Variants in MAF observed in about 807,000 individuals in gnomAD.
MAF encodes MAF bZIP transcription factor.
In MAF, 10 loss-of-function variants were observed where a neutral mutation model predicts 22.0. That is an observed-to-expected ratio of 0.45 (90% CI 0.28 to 0.77). The LOEUF is 0.77. MAF is among the 30% of genes least tolerant of loss of function. MAF has a pLI of 0.12. For synonymous variants in MAF, 337 were observed against 255.8 expected (o/e 1.32, Z -3.03); for missense variants, 544 against 548.4 (o/e 0.99, Z 0.08).
At chr16:79,349,477 T>C in the MAF span, among the ~76,000 whole-genome samples, 1 of 152,130 alleles carries the variant, frequency 6.6e-6, no homozygotes, top group East Asian at 1.9e-4. Flanking sequence ...TGCAATGAGG[T>C]CATTGCCAAT....
At chr16:79,336,791 T>C in the MAF span, among the ~76,000 whole-genome samples, 1,562 of 152,352 alleles carry the variant, frequency 0.01, 28 homozygotes, top group African/African-American at 0.036. Context: ...GTGAGGATTT[T>C]TCTCTTTTTC....
chr16:79,561,721 G>T, the MAF span, among the ~76,000 whole-genome samples: 1 of 152,044 alleles, frequency 6.6e-6, no homozygotes, highest in Admixed American at 6.5e-5. Flanking sequence ...AAGAAAAAAT[G>T]GTCTTCAAAG....
the MAF span, among the ~76,000 whole-genome samples, chr16:79,322,740 G>T: frequency 2.0e-5 from 3 of 152,054 alleles, no homozygotes; most frequent in Non-Finnish European, 4.4e-5. Context: ...GGTCGTGGCA[G>T]GGGGTATAAA....
chr16:79,242,976 G>A, the MAF span, among the ~76,000 whole-genome samples: 1 of 151,828 alleles, frequency 6.6e-6, no homozygotes, highest in Non-Finnish European at 1.5e-5. Context: ...AATGAAGGCA[G>A]AAATAAAGAA....
At chr16:79,206,588 A>C in the MAF span, 1 of 152,222 alleles carries the variant, frequency 6.6e-6, no homozygotes, top group Non-Finnish European at 1.5e-5. Context: ...ATGTCACTTG[A>C]ATAGTACTCG....
chr16:79,533,011 G>A, the MAF span, among the ~76,000 whole-genome samples: 1 of 152,182 alleles, frequency 6.6e-6, no homozygotes, highest in Non-Finnish European at 1.5e-5. Flanking sequence ...ATATTCTGTG[G>A]TACATATAAT....
chr16:79,393,890 G>A, the MAF span, among the ~76,000 whole-genome samples: 6 of 152,294 alleles, frequency 3.9e-5, no homozygotes, highest in African/African-American at 2.4e-5. Flanking sequence ...TGATGATAAT[G>A]AAGTTAACAA....
chr16:79,305,017 G>C, the MAF span, among the ~76,000 whole-genome samples: 20 of 152,200 alleles, frequency 1.3e-4, no homozygotes, highest in Admixed American at 1.2e-3. Flanking sequence ...AAGCAATGTG[G>C]ACAATGAAGG....
At chr16:79,464,245 G>T in the MAF span, among the ~76,000 whole-genome samples, 1 of 152,230 alleles carries the variant, frequency 6.6e-6, no homozygotes, top group Middle Eastern at 3.4e-3. Flanking sequence ...TGACTCAGAT[G>T]ACTCCAGAGG....
the MAF span, among the ~76,000 whole-genome samples, chr16:79,353,754 T>C: frequency 1.3e-5 from 2 of 151,964 alleles, no homozygotes; most frequent in African/African-American, 2.4e-5. Flanking sequence ...CCAGACAGGA[T>C]TTAAATCAAA....
At chr16:79,252,768 G>C in the MAF span, among the ~76,000 whole-genome samples, 1 of 152,168 alleles carries the variant, frequency 6.6e-6, no homozygotes, top group African/African-American at 2.4e-5. Context: ...GGGATTACAG[G>C]TGTGAGTCAC....
the MAF span, among the ~76,000 whole-genome samples, chr16:79,560,734 T>C: frequency 6.6e-6 from 1 of 152,158 alleles, no homozygotes; most frequent in Non-Finnish European, 1.5e-5. Context: ...GGAAATTGGC[T>C]ACTCATCCAG....
the MAF span, among the ~76,000 whole-genome samples, chr16:79,217,024 G>A: frequency 1.3e-4 from 20 of 152,136 alleles, no homozygotes; most frequent in Admixed American, 1.2e-3. Flanking sequence ...TGGCCAGGCT[G>A]GTCTCGAACT....
At chr16:79,593,572 G>T (rs199757560), downstream of MAF, among the ~76,000 whole-genome samples, 47 of 152,332 alleles carry the variant, frequency 3.1e-4, no homozygotes, top group East Asian at 8.9e-3. Flanking sequence ...CATCGGAGGG[G>T]TCTGTGTTGA....
chr16:79,211,781 C>A, the MAF span: 2 of 1,613,974 alleles, frequency 1.2e-6, no homozygotes, highest in Non-Finnish European at 1.7e-6. Flanking sequence ...AACGGCTTGG[C>A]AGCCAGTCCG....
chr16:79,337,899 T>C, the MAF span, among the ~76,000 whole-genome samples: 1 of 152,158 alleles, frequency 6.6e-6, no homozygotes, highest in African/African-American at 2.4e-5. Context: ...TTCCAGTGGA[T>C]GGGAAACTAC....
the MAF span, among the ~76,000 whole-genome samples, chr16:79,426,110 G>A: frequency 1.3e-5 from 2 of 152,094 alleles, no homozygotes; most frequent in African/African-American, 4.8e-5. Context: ...GGAGGCTAAG[G>A]CAGGAGAATC....
the MAF span, among the ~76,000 whole-genome samples, chr16:79,209,792 A>C: frequency 6.6e-6 from 1 of 152,238 alleles, no homozygotes; most frequent in Non-Finnish European, 1.5e-5. Flanking sequence ...GGGATGCAGA[A>C]GAGCCAGATA....
chr16:79,247,674 A>T, the MAF span, among the ~76,000 whole-genome samples: 1 of 152,174 alleles, frequency 6.6e-6, no homozygotes, highest in Non-Finnish European at 1.5e-5. Flanking sequence ...CATCCTCATT[A>T]GCTGCAGCCG....
Sources: allele counts gnomAD v4.1 joint callset (sites outside exome capture counted in the v4.1 genomes callset), GRCh38; gene constraint gnomAD v4.1.1; transcripts MANE v1.5; gene names NCBI Gene and HGNC (gene_info 2026-07-23, HGNC 2026-07-21).